The following IL1R1 variants were observed in gnomAD, a reference collection of about 807,000 sequenced individuals.
IL1R1 encodes interleukin 1 receptor type 1, also known as interleukin-1 receptor type 1.
Under a neutral mutation model 50.2 loss-of-function variants are expected in IL1R1, and 22 were observed. The observed-to-expected ratio is 0.44, with a 90% CI of 0.31 to 0.63. The LOEUF (loss-of-function observed/expected upper bound fraction) is 0.63, where lower values mean the gene tolerates loss of function less well. IL1R1 is among the 20% of genes least tolerant of loss of function. The probability of loss-of-function intolerance (pLI) is 0.07; values close to 1 mark genes in which losing one functional copy is unlikely to be tolerated. For missense variants in IL1R1, 509 were observed against 676.2 expected (o/e 0.75, Z 2.74); for synonymous variants, 251 against 236.7 (o/e 1.06, Z -0.55).
At chr2:102,103,424 A>T (rs1383641024), upstream of IL1R1, among the ~76,000 whole-genome samples, 1 of 152,120 alleles carries the variant, frequency 6.6e-6, no homozygotes, top group Non-Finnish European at 1.5e-5. Flanking sequence ...GGCAGAATTG[A>T]GGCTGCAGAG....
At chr2:102,074,476 A>G (rs1419316755) in intron 1 of IL1R1, among the ~76,000 whole-genome samples, 2 of 143,638 alleles carry the variant, frequency 1.4e-5, no homozygotes, top group Non-Finnish European at 3.0e-5. Flanking sequence ...TATTCCTTAC[A>G]TGGTAGTTTG....
In IL1R1 at chr2:102,071,822, T is replaced by A. The variant is rs986960985; in HGVS notation, c.-84+1289T>A. 3.9e-5 allele frequency among the ~76,000 whole-genome samples: 6 copies of A among 152,174 alleles called. 1 individual carries two copies. Among genetic ancestry groups the A allele is most frequent in the African/African-American group, 1.4e-4 (6 of 41,444 alleles). On this transcript the variant is annotated intron_variant, in intron 1 of 11. Transcript: ENST00000409929. ...AAGGAGGTGTGAGATCCACCCTGGT[T>A]GAACCCCATGGTGCCGGTGTCCTCT... is the stretch of plus-strand genomic sequence containing the variant.
intron 1 of IL1R1, among the ~76,000 whole-genome samples, chr2:102,149,237 G>A (rs1683434912): frequency 6.6e-6 from 1 of 152,192 alleles, no homozygotes; most frequent in Non-Finnish European, 1.5e-5. Context: ...TTAATATTTG[G>A]GATGAGGGGC....
rs202025272 is a variant in IL1R1 at position 102,177,070 on chromosome 2, A to G, written c.*311A>G. ...CACCAGAGGTCAGGAGTTCGAGACC[A>G]GCCCAGCCAACATGGCAAAACCCCA... On this transcript the variant is annotated 3_prime_UTR_variant, in exon 12 of 12. Transcript: ENST00000410023. 1.4e-5 allele frequency: 4 copies of G among 286,606 alleles called. No homozygotes were observed. Among genetic ancestry groups the G allele is most frequent in the African/African-American group, 6.6e-5 (3 of 45,696 alleles). 17.8% of individuals were successfully genotyped at this position (286,606 alleles called of 1,614,324 possible).
chr2:102,105,765 C>T (rs1680373392), intron 1 of IL1R1, among the ~76,000 whole-genome samples: 1 of 152,184 alleles, frequency 6.6e-6, no homozygotes, highest in South Asian at 2.1e-4. Context: ...ATAAGGACCT[C>T]AAAGGTAATC....
intron 1 of IL1R1, among the ~76,000 whole-genome samples, chr2:102,108,050 G>C (rs927974778): frequency 2.6e-5 from 4 of 152,154 alleles, no homozygotes; most frequent in Non-Finnish European, 4.4e-5. Flanking sequence ...CAAGATAGAG[G>C]CAAGCTTTTT....
At chr2:102,096,567 T>TC (rs1679911934) in intron 1 of IL1R1, among the ~76,000 whole-genome samples, 1 of 151,994 alleles carries the variant, frequency 6.6e-6, no homozygotes, top group Non-Finnish European at 1.5e-5. Context: ...TATTTTTTTT[T>TC]CTCTTCCTAA....
At chr2:102,144,907 G>A (rs1048361897) in intron 1 of IL1R1, among the ~76,000 whole-genome samples, 4 of 152,150 alleles carry the variant, frequency 2.6e-5, no homozygotes, top group Admixed American at 6.5e-5. Flanking sequence ...GGAGCTCTAG[G>A]AGGTGGAGCT....
At chr2:102,155,484 A>AT (rs1242001934) in intron 2 of IL1R1, among the ~76,000 whole-genome samples, 43 of 152,232 alleles carry the variant, frequency 2.8e-4, no homozygotes, top group South Asian at 2.1e-4. Context: ...GTTTGTGTTG[A>AT]TTTTTGTTGG....
intron 1 of IL1R1, among the ~76,000 whole-genome samples, chr2:102,073,106 TAA>T (rs1261758907): frequency 6.6e-6 from 1 of 152,156 alleles, no homozygotes; most frequent in Non-Finnish European, 1.5e-5. Context: ...CAAAACTCAG[TAA>T]AAGGCGGATT....
At chr2:102,159,362 T>A (rs1417060750) in intron 3 of IL1R1, among the ~76,000 whole-genome samples, 1 of 152,176 alleles carries the variant, frequency 6.6e-6, no homozygotes, top group Admixed American at 6.5e-5. Flanking sequence ...AGGGGCTCCA[T>A]GTGTGTTGGA....
intron 1 of IL1R1, among the ~76,000 whole-genome samples, chr2:102,086,453 G>T (rs571476503): frequency 1.3e-5 from 2 of 152,212 alleles, no homozygotes; most frequent in African/African-American, 4.8e-5. Context: ...TATTGAGCTT[G>T]TTGAATATGT....
At chr2:102,126,470 T>C (rs1467740944) in intron 1 of IL1R1, among the ~76,000 whole-genome samples, 1 of 152,226 alleles carries the variant, frequency 6.6e-6, no homozygotes, top group East Asian at 1.9e-4. Context: ...TAGCTGCTTT[T>C]CTGGAAAATT....
intron 9 of IL1R1, 50 bp from the exon 10 acceptor site, chr2:102,174,537 T>C (rs1685946358): frequency 7.1e-7 from 1 of 1,414,946 alleles, no homozygotes; most frequent in East Asian, 2.4e-5. Flanking sequence ...AAAGTTTTAA[T>C]TCTTTTTGGT....
intron 1 of IL1R1, among the ~76,000 whole-genome samples, chr2:102,132,172 A>T (rs1032124617): frequency 1.3e-5 from 2 of 151,930 alleles, no homozygotes; most frequent in African/African-American, 4.8e-5. Flanking sequence ...GACCTGCACT[A>T]CAAAAATGTT....
chr2:102,171,263 G>A (rs1017394244), intron 7 of IL1R1, among the ~76,000 whole-genome samples: 1 of 152,086 alleles, frequency 6.6e-6, no homozygotes, highest in African/African-American at 2.4e-5. Flanking sequence ...GGGGAAAATC[G>A]TGCTCACATA....
At chr2:102,092,094 C>G (rs1397500790) in intron 1 of IL1R1, among the ~76,000 whole-genome samples, 1 of 152,178 alleles carries the variant, frequency 6.6e-6, no homozygotes, top group Non-Finnish European at 1.5e-5. Flanking sequence ...CAGGAAATCC[C>G]TATTTTGCAA....
At chr2:102,137,237 A>C (rs193115176) in intron 1 of IL1R1, among the ~76,000 whole-genome samples, 37 of 152,336 alleles carry the variant, frequency 2.4e-4, no homozygotes, top group Admixed American at 2.2e-3. Context: ...ACTGTGACAC[A>C]TTCCTGAGTA....
At chr2:102,131,919 G>T (rs889505850) in intron 1 of IL1R1, among the ~76,000 whole-genome samples, 1 of 151,860 alleles carries the variant, frequency 6.6e-6, no homozygotes, top group African/African-American at 2.4e-5. Flanking sequence ...TAAAATCAGC[G>T]ATAAAGAAAA....
Sources: allele counts gnomAD v4.1 joint callset (sites outside exome capture counted in the v4.1 genomes callset), GRCh38; gene constraint gnomAD v4.1.1; transcripts MANE v1.5; gene names NCBI Gene and HGNC (gene_info 2026-07-23, HGNC 2026-07-21).